GMDS: variants seen among roughly 807,000 people sequenced by gnomAD.
The protein encoded by GMDS is GDP-mannose 4,6-dehydratase.
GMDS carries 20 observed loss-of-function variants against 49.9 expected under a neutral mutation model. That is an observed-to-expected ratio of 0.40 (90% CI 0.28 to 0.58). The LOEUF (loss-of-function observed/expected upper bound fraction) is 0.58, where lower values mean the gene tolerates loss of function less well. Among genes scored for constraint, GMDS ranks in the 20% least tolerant of loss-of-function variants. GMDS has a pLI of 0.42. For synonymous variants in GMDS, 177 were observed against 178.6 expected, an observed-to-expected ratio of 0.99 and a Z score of 0.07; for missense variants, 362 against 481.4, an observed-to-expected ratio of 0.75 and a Z score of 2.32.
At chr6:2,163,314 GTGGGATTCT>G (rs1777499057) in intron 1 of GMDS, among the ~76,000 whole-genome samples, 3 of 152,210 alleles carry the variant, frequency 2.0e-5, no homozygotes, top group Non-Finnish European at 4.4e-5. Flanking sequence ...CTCACATCAT[GTGGGATTCT>G]TGAGCAGGTC....
At chr6:2,204,035 T>A (rs1779673773) in intron 1 of GMDS, among the ~76,000 whole-genome samples, 1 of 152,178 alleles carries the variant, frequency 6.6e-6, no homozygotes, top group Non-Finnish European at 1.5e-5. Flanking sequence ...TGACTAACAT[T>A]CTTAAGGAAA....
chr6:2,166,552 C>T (rs1001508408), intron 1 of GMDS, among the ~76,000 whole-genome samples: 2 of 152,180 alleles, frequency 1.3e-5, no homozygotes, highest in Non-Finnish European at 2.9e-5. Context: ...AACCCTAGAA[C>T]CTTATTCATA....
At chr6:1,938,984 TCTCTC>T (rs1270360748) in intron 6 of GMDS, among the ~76,000 whole-genome samples, 309 of 79,438 alleles carry the variant, frequency 3.9e-3, no homozygotes, top group African/African-American at 0.013. Flanking sequence ...CCTCCCCTCC[TCTCTC>T]CTCTCCTCTC....
At chr6:2,163,992 T>G (rs1216193127) in intron 1 of GMDS, among the ~76,000 whole-genome samples, 2 of 152,232 alleles carry the variant, frequency 1.3e-5, no homozygotes, top group African/African-American at 4.8e-5. Context: ...AAATCTACTC[T>G]AACATTTCAT....
Position 2,055,434 on chromosome 6 carries a change from C to A in GMDS, c.345+60337G>T, listed in dbSNP as rs116566141. Among the ~76,000 whole-genome samples the A allele has an allele frequency of 2.6e-3, 396 of 152,208 alleles. 2 individuals carry two copies. Among genetic ancestry groups the A allele is most frequent in the African/African-American group, 9.3e-3 (385 of 41,552 alleles). ...TCAACAATGAAGAAAATCACCTAAT[C>A]GTTGGCTGGTCCACTATTTACTATA... On this transcript the variant is annotated intron_variant, in intron 4 of 10. Coordinates refer to ENST00000380815, the MANE Select transcript of GMDS (RefSeq NM_001500.4).
intron 7 of GMDS, among the ~76,000 whole-genome samples, chr6:1,868,004 T>C (rs113752745): frequency 1.1e-4 from 16 of 151,890 alleles, no homozygotes; most frequent in South Asian, 8.3e-4. Flanking sequence ...TTTTTTTTTT[T>C]TCCCTGGAGT....
intron 1 of GMDS, among the ~76,000 whole-genome samples, chr6:2,218,417 C>T (rs971795833): frequency 1.3e-5 from 2 of 152,140 alleles, no homozygotes; most frequent in African/African-American, 4.8e-5. Flanking sequence ...TCTTTGACCA[C>T]CGGAAGTGAA....
chr6:2,172,459 G>A (rs568157441), intron 1 of GMDS, among the ~76,000 whole-genome samples: 6 of 152,122 alleles, frequency 3.9e-5, no homozygotes, highest in African/African-American at 7.2e-5. Flanking sequence ...TTGGGAGGCC[G>A]AGGCAGGTGG....
At chr6:2,124,056 G>A (rs1180868300) in intron 2 of GMDS, among the ~76,000 whole-genome samples, 2 of 146,430 alleles carry the variant, frequency 1.4e-5, no homozygotes, top group African/African-American at 5.0e-5. Context: ...TTTTTTTTCT[G>A]TATAGCATGA....
intron 7 of GMDS, among the ~76,000 whole-genome samples, chr6:1,810,606 G>A (rs1021132125): frequency 5.9e-5 from 9 of 152,094 alleles, no homozygotes; most frequent in African/African-American, 2.2e-4. Flanking sequence ...TTATGGCAGG[G>A]GGAGCAGGGT....
chr6:2,077,575 G>A (rs189575735), intron 4 of GMDS, among the ~76,000 whole-genome samples: 4 of 152,170 alleles, frequency 2.6e-5, no homozygotes, highest in Admixed American at 2.0e-4. Flanking sequence ...CTTACGTGAT[G>A]TATCACATTT....
chr6:2,040,681 A>C (rs1769622465), intron 4 of GMDS, among the ~76,000 whole-genome samples: 1 of 152,188 alleles, frequency 6.6e-6, no homozygotes, highest in Admixed American at 6.5e-5. Flanking sequence ...AAAATATGGC[A>C]CACTGACATT....
intron 4 of GMDS, among the ~76,000 whole-genome samples, chr6:1,982,449 G>T (rs761785041): frequency 1.3e-5 from 2 of 152,160 alleles, no homozygotes; most frequent in Non-Finnish European, 2.9e-5. Flanking sequence ...AACTATCTTT[G>T]TTTGCAGATG....
intron 3 of GMDS, among the ~76,000 whole-genome samples, chr6:2,116,721 G>C (rs1343079739): frequency 6.6e-6 from 1 of 152,194 alleles, no homozygotes; most frequent in East Asian, 1.9e-4. Context: ...CAAGCTGACT[G>C]TATCGTCCTT....
intron 1 of GMDS, among the ~76,000 whole-genome samples, chr6:2,128,719 T>C (rs1324580202): frequency 6.6e-6 from 1 of 152,174 alleles, no homozygotes; most frequent in Non-Finnish European, 1.5e-5. Flanking sequence ...TCAAACCAAG[T>C]TGATGTAGTC....
chr6:1,872,662 A>G (rs1002822397), intron 7 of GMDS, among the ~76,000 whole-genome samples: 6 of 152,256 alleles, frequency 3.9e-5, no homozygotes, highest in South Asian at 2.1e-4. Context: ...GTTGATCCTA[A>G]TAAGTCAAAG....
chr6:2,131,181 C>G (rs779252114), intron 1 of GMDS, among the ~76,000 whole-genome samples: 6 of 152,022 alleles, frequency 3.9e-5, no homozygotes, highest in Non-Finnish European at 7.4e-5. Flanking sequence ...ACAATGTGAA[C>G]TCAGGAATTC....
At chr6:1,877,733 G>C (rs1581292168) in intron 7 of GMDS, among the ~76,000 whole-genome samples, 1 of 151,722 alleles carries the variant, frequency 6.6e-6, no homozygotes. Flanking sequence ...AAGGTTGGCA[G>C]CTGCGTTGTT....
In GMDS at chr6:1,868,063, T is replaced by G. The variant is rs1758527910; in HGVS notation, c.771+62040A>C. ...GTGCAGTGGCACGATCTTGGCTCAC[T>G]GCAACCTCTGCTTCCCGGGTTCAAG... On this transcript the variant is annotated intron_variant, in intron 7 of 10. Transcript: ENST00000380815. Among the ~76,000 whole-genome samples, 3 of 152,150 alleles carry G rather than the reference T, an allele frequency of 2.0e-5. No individual in the cohort carries two copies. In the South Asian group the frequency reaches 6.2e-4, roughly 32 times the overall value.
Sources: allele counts gnomAD v4.1 joint callset (sites outside exome capture counted in the v4.1 genomes callset), GRCh38; gene constraint gnomAD v4.1.1; transcripts MANE v1.5; gene names NCBI Gene and HGNC (gene_info 2026-07-23, HGNC 2026-07-21).